Variants in AKAP13 observed in about 807,000 individuals in gnomAD.
The protein encoded by AKAP13 is A-kinase anchoring protein 13.
AKAP13 carries 80 observed loss-of-function variants against 264.5 expected under a neutral mutation model. The ratio of observed to expected loss-of-function variants is 0.30; its 90% CI spans 0.25 to 0.36. The LOEUF is 0.36. Among genes scored for constraint, AKAP13 ranks in the 10% least tolerant of loss-of-function variants. The probability of loss-of-function intolerance (pLI) is 1.00; values close to 1 mark genes in which losing one functional copy is unlikely to be tolerated. For synonymous variants in AKAP13, 1,380 were observed against 1,250.2 expected, an observed-to-expected ratio of 1.10 and a Z score of -2.19; for missense variants, 3,712 against 3,435.2, an observed-to-expected ratio of 1.08 and a Z score of -2.01.
Position 85,719,144 on chromosome 15 carries a change from A to T in AKAP13, c.6070A>T (p.Met2024Leu), listed in dbSNP as rs1329977235. ...KIMSGVYSQGMMADLLFEQQM... is the reference protein window; with the variant it reads ...KIMSGVYSQGLMADLLFEQQM... ...CATGAGTGGTGTGTACAGCCAGGGG[A>T]TGATGGCGGATCTGCTTTTTGAGCA... The change falls in exon 23 of 37, where the codon ATG (methionine) becomes TTG (leucine). Residue 2024 changes from methionine (M) to leucine (L), a missense_variant. Met to Leu is a conservative substitution (Grantham distance 15). This residue lies in a region of AKAP13 where 342 missense variants were observed against 484.3 expected (regional missense o/e 0.71). Coordinates refer to ENST00000394518, the MANE Select transcript of AKAP13 (RefSeq NM_007200.5). 3.1e-6 allele frequency: 5 copies of T among 1,614,004 alleles called. No individual in the cohort carries two copies. Among genetic ancestry groups the T allele is most frequent in the Non-Finnish European group, 3.4e-6 (4 of 1,180,008 alleles).
intron 14 of AKAP13, among the ~76,000 whole-genome samples, chr15:85,678,183 G>T (rs1342444767): frequency 2.6e-5 from 4 of 152,082 alleles, no homozygotes; most frequent in African/African-American, 7.2e-5. Context: ...TGCTTTTAAT[G>T]GAGAAACCAC....
chr15:85,471,012 C>T (rs901289511), intron 1 of AKAP13, among the ~76,000 whole-genome samples: 16 of 152,304 alleles, frequency 1.1e-4, no homozygotes, highest in African/African-American at 3.4e-4. Flanking sequence ...GTACTTTCCA[C>T]GTCCCTTGTG....
intron 4 of AKAP13, among the ~76,000 whole-genome samples, chr15:85,539,255 G>A (rs1232506927): frequency 6.6e-6 from 1 of 152,112 alleles, no homozygotes; most frequent in African/African-American, 2.4e-5. Context: ...AAGACTAGTA[G>A]TGGTAGGACT....
chr15:85,387,788 T>G (rs1193408595), intron 1 of AKAP13, among the ~76,000 whole-genome samples: 1 of 152,226 alleles, frequency 6.6e-6, no homozygotes, highest in Non-Finnish European at 1.5e-5. Context: ...TTTTGTAATC[T>G]TATACATGTA....
chr15:85,626,778 A>G (rs2081429407), intron 8 of AKAP13, among the ~76,000 whole-genome samples: 1 of 152,092 alleles, frequency 6.6e-6, no homozygotes, highest in African/African-American at 2.4e-5. Context: ...TTGCTGGATC[A>G]TAAGGTAATT....
chr15:85,561,684 C>T (rs1490743852), intron 5 of AKAP13, among the ~76,000 whole-genome samples: 1 of 152,058 alleles, frequency 6.6e-6, no homozygotes, highest in Non-Finnish European at 1.5e-5. Context: ...ATCTTGAAAC[C>T]AGTACAGTAA....
chr15:85,488,191 A>AT (rs2075620485), intron 2 of AKAP13, among the ~76,000 whole-genome samples: 1 of 152,160 alleles, frequency 6.6e-6, no homozygotes, highest in South Asian at 2.1e-4. Context: ...GCCTGTTTTA[A>AT]TTTTTAGAGA....
intron 1 of AKAP13, among the ~76,000 whole-genome samples, chr15:85,436,808 A>G (rs959591379): frequency 4.6e-5 from 7 of 152,120 alleles, no homozygotes; most frequent in Non-Finnish European, 1.0e-4. Context: ...TCTGGGACGC[A>G]TTCAAAGCAG....
intron 2 of AKAP13, among the ~76,000 whole-genome samples, chr15:85,497,159 A>C (rs2075893904): frequency 6.6e-6 from 1 of 152,212 alleles, no homozygotes; most frequent in South Asian, 2.1e-4. Context: ...CTTGCTGTCC[A>C]AGAAAGATTA....
intron 17 of AKAP13, among the ~76,000 whole-genome samples, chr15:85,705,437 A>G (rs1078379): frequency 5.4e-4 from 82 of 152,224 alleles, no homozygotes; most frequent in Middle Eastern, 3.4e-3. Flanking sequence ...AATATTATAG[A>G]TTTTCAATAA....
intron 1 of AKAP13, among the ~76,000 whole-genome samples, chr15:85,383,731 CTA>C (rs1455887189): frequency 1.3e-5 from 2 of 152,152 alleles, no homozygotes; most frequent in Non-Finnish European, 2.9e-5. Context: ...CTCTTTGTGA[CTA>C]TGCTATTTGG....
At chr15:85,470,804 GT>G (rs1159011353) in intron 1 of AKAP13, among the ~76,000 whole-genome samples, 1 of 152,174 alleles carries the variant, frequency 6.6e-6, no homozygotes, top group Admixed American at 6.5e-5. Context: ...GTGATTTTAT[GT>G]TACTTTGGAG....
intron 5 of AKAP13, among the ~76,000 whole-genome samples, chr15:85,545,188 C>A (rs904410624): frequency 6.6e-6 from 1 of 152,168 alleles, no homozygotes; most frequent in African/African-American, 2.4e-5. Flanking sequence ...TTCACACTTC[C>A]CATCTGGCCA....
chr15:85,694,767 C>G (rs1474691301), intron 17 of AKAP13, among the ~76,000 whole-genome samples: 2 of 152,154 alleles, frequency 1.3e-5, no homozygotes, highest in Admixed American at 6.5e-5. Context: ...CAGGGCCAGT[C>G]CAGTCACCCG....
At chr15:85,738,078 C>T (rs981545773) in intron 33 of AKAP13, among the ~76,000 whole-genome samples, 2 of 152,108 alleles carry the variant, frequency 1.3e-5, no homozygotes, top group African/African-American at 4.8e-5. Context: ...TCGGCAGGTT[C>T]TTCTGTTACT....
intron 1 of AKAP13, among the ~76,000 whole-genome samples, chr15:85,451,314 G>A (rs780573020): frequency 3.3e-5 from 5 of 152,142 alleles, no homozygotes; most frequent in Non-Finnish European, 7.4e-5. Context: ...ATTGGGTCTT[G>A]CTTTTTTATC....
At chr15:85,673,089 G>C (rs1481123261) in intron 14 of AKAP13, among the ~76,000 whole-genome samples, 1 of 152,156 alleles carries the variant, frequency 6.6e-6, no homozygotes, top group East Asian at 1.9e-4. Flanking sequence ...AGTAAAACTT[G>C]AGCATTTCTG....
intron 5 of AKAP13, among the ~76,000 whole-genome samples, chr15:85,567,426 TG>T (rs1200666473): frequency 6.6e-6 from 1 of 152,226 alleles, no homozygotes; most frequent in Non-Finnish European, 1.5e-5. Context: ...TTTTGTTACA[TG>T]GACATATTTT....
intron 8 of AKAP13, among the ~76,000 whole-genome samples, chr15:85,629,666 G>C (rs536260980): frequency 2.0e-4 from 30 of 150,864 alleles, no homozygotes; most frequent in Admixed American, 1.7e-3. Flanking sequence ...TCTCTAAAAT[G>C]GCAACATGCC....
Sources: allele counts gnomAD v4.1 joint callset (sites outside exome capture counted in the v4.1 genomes callset), GRCh38; gene constraint gnomAD v4.1.1; regional missense constraint gnomAD v4.1.1; transcripts MANE v1.5; gene names NCBI Gene and HGNC (gene_info 2026-07-23, HGNC 2026-07-21).